The following DMD variants were observed in gnomAD, a reference collection of about 807,000 sequenced individuals.
DMD encodes dystrophin.
In DMD, 63 loss-of-function variants were observed where a neutral mutation model predicts 330.1. The ratio of observed to expected loss-of-function variants is 0.19; its 90% CI spans 0.16 to 0.24. The LOEUF (loss-of-function observed/expected upper bound fraction) is 0.24, where lower values mean the gene tolerates loss of function less well. Ranked by LOEUF, DMD falls within the 10% of genes least tolerant of loss-of-function variation. The pLI, the probability that DMD is intolerant of heterozygous loss-of-function variation, is 1.00. For synonymous variants in DMD, 1,223 were observed against 959.8 expected (o/e 1.27, Z -5.07); for missense variants, 3,344 against 2,684.1 (o/e 1.25, Z -5.43).
At chrX:33,012,816 C>T (rs748204509) in intron 2 of DMD, among the ~76,000 whole-genome samples, 7 of 111,083 alleles carry the variant, frequency 6.3e-5, no homozygotes, top group African/African-American at 1.3e-4. Flanking sequence ...ATATTAAAGG[C>T]ATTTTTGACT....
chrX:31,740,893 G>A, intron 51 of DMD, among the ~76,000 whole-genome samples: 1 of 112,252 alleles, frequency 8.9e-6, no homozygotes, highest in Non-Finnish European at 1.9e-5. Flanking sequence ...ATTTTACTCA[G>A]TAGAACTTCT....
chrX:32,176,386 T>C (rs749318145), intron 44 of DMD, among the ~76,000 whole-genome samples: 11 of 110,365 alleles, frequency 1.0e-4, no homozygotes, highest in African/African-American at 3.7e-4. Context: ...AATACAATCA[T>C]TGTAGAAAGT....
At chrX:32,338,933 G>T (rs2097728161) in intron 41 of DMD, among the ~76,000 whole-genome samples, 2 of 111,792 alleles carry the variant, frequency 1.8e-5, no homozygotes, top group Admixed American at 1.9e-4. Context: ...AATTTTCACT[G>T]AACGAGATAT....
chrX:32,749,332 T>C (rs776659399), intron 7 of DMD, among the ~76,000 whole-genome samples: 13 of 112,087 alleles, frequency 1.2e-4, no homozygotes, highest in Non-Finnish European at 2.4e-4. Context: ...TTAAATACAA[T>C]TCTGTCTCCC....
At chrX:31,884,456 G>C (rs1359759497) in intron 47 of DMD, among the ~76,000 whole-genome samples, 1 of 111,199 alleles carries the variant, frequency 9.0e-6, no homozygotes, top group Non-Finnish European at 1.9e-5. Context: ...CAAACTCAGA[G>C]AAACAGAGAA....
At chrX:31,308,568 A>T (rs942989535) in intron 62 of DMD, among the ~76,000 whole-genome samples, 11 of 111,778 alleles carry the variant, frequency 9.8e-5, no homozygotes, top group South Asian at 3.7e-4. Context: ...TCTATTTTTT[A>T]AAAATTATTT....
intron 1 of DMD, among the ~76,000 whole-genome samples, chrX:33,022,643 T>A (rs761494212): frequency 6.1e-4 from 68 of 111,147 alleles, no homozygotes; most frequent in African/African-American, 2.2e-3. Context: ...CTTCTCAATC[T>A]GTATGTAATT....
intron 44 of DMD, among the ~76,000 whole-genome samples, chrX:32,129,533 A>T (rs2096678215): frequency 9.0e-6 from 1 of 111,084 alleles, no homozygotes. Flanking sequence ...TCAGGATTAC[A>T]TTCAAATAAG....
intron 7 of DMD, among the ~76,000 whole-genome samples, chrX:32,730,980 T>C (rs971458242): frequency 7.8e-4 from 87 of 111,824 alleles, no homozygotes; most frequent in Admixed American, 2.9e-3. Context: ...GGGTGATTTC[T>C]GCATTTCCAT....
chrX:31,753,917 T>G (rs750550062), intron 51 of DMD, among the ~76,000 whole-genome samples: 1 of 111,627 alleles, frequency 9.0e-6, no homozygotes, highest in East Asian at 2.8e-4. Context: ...CAACTTTTTC[T>G]ATGATCCTCT....
chrX:33,101,538 G>T (rs1461164452), intron 1 of DMD, among the ~76,000 whole-genome samples: 1 of 112,022 alleles, frequency 8.9e-6, no homozygotes, highest in Admixed American at 9.5e-5. Flanking sequence ...AGCTAAGGCA[G>T]GAGAATCGCT....
chrX:33,120,403 G>A (rs539678046), intron 1 of DMD, among the ~76,000 whole-genome samples: 5 of 111,296 alleles, frequency 4.5e-5, no homozygotes, highest in African/African-American at 1.6e-4. Flanking sequence ...CCATCCCCTC[G>A]TAGTTAAAGG....
chrX:32,587,589 T>C (rs1190210220), intron 13 of DMD, among the ~76,000 whole-genome samples: 2 of 111,509 alleles, frequency 1.8e-5, no homozygotes, highest in Non-Finnish European at 1.9e-5. Flanking sequence ...CTAGATAAGA[T>C]TGGGCAGTAT....
chrX:32,845,528 C>CA (rs774826294), intron 3 of DMD, among the ~76,000 whole-genome samples: 43 of 111,923 alleles, frequency 3.8e-4, no homozygotes, highest in Non-Finnish European at 6.0e-4. Flanking sequence ...TACCTTACTA[C>CA]AAGCCCTTAT....
chrX:31,566,727 A>G (rs2075486925), intron 55 of DMD, among the ~76,000 whole-genome samples: 1 of 111,859 alleles, frequency 8.9e-6, no homozygotes, highest in Non-Finnish European at 1.9e-5. Context: ...TCCAGTCTAT[A>G]AACATGCCAT....
At chrX:31,701,699 CTA>C (rs780639056) in intron 52 of DMD, among the ~76,000 whole-genome samples, 4 of 112,286 alleles carry the variant, frequency 3.6e-5, no homozygotes, top group Non-Finnish European at 5.6e-5. Flanking sequence ...GATGGAAACC[CTA>C]TGTCTTCCTC....
At chrX:32,598,650 C>T (rs1175911811) in intron 12 of DMD, among the ~76,000 whole-genome samples, 1 of 112,006 alleles carries the variant, frequency 8.9e-6, no homozygotes, top group Admixed American at 9.5e-5. Context: ...TGGAATGAAT[C>T]CAACTCTTAT....
chrX:32,662,068 G>A (rs775902451), intron 9 of DMD, among the ~76,000 whole-genome samples: 6 of 111,302 alleles, frequency 5.4e-5, no homozygotes, highest in Non-Finnish European at 9.4e-5. Flanking sequence ...TCAATACTAT[G>A]TTTAAAAACA....
At position 31,911,751 on chromosome X, in the gene DMD, G is replaced by A. The variant is rs768461390; in HGVS notation, c.6912+17845C>T. Among the ~76,000 whole-genome samples, 9 of 111,279 alleles carry A rather than the reference G, an allele frequency of 8.1e-5. No homozygotes were observed. In the East Asian group the frequency reaches 1.4e-3, roughly 18 times the overall value. On this transcript the variant is annotated intron_variant, in intron 47 of 78. Transcript: ENST00000357033. ...GATAAGAGTCTTGAAGATGAGGGGC[G>A]TAGTGGCTGGCCATCAGAAGTTGAC...
Sources: gnomAD v4.1 joint callset for allele counts (sites outside exome capture counted in the v4.1 genomes callset) on GRCh38, gnomAD v4.1.1 for gene constraint, MANE v1.5 for transcripts, NCBI Gene and HGNC (gene_info 2026-07-23, HGNC 2026-07-21) for gene names.